Variants in TANC1 observed in about 807,000 individuals in gnomAD.
TANC1 encodes the protein protein TANC1.
Under a neutral mutation model 149.7 loss-of-function variants are expected in TANC1, and 77 were observed. The observed-to-expected ratio is 0.51, with a 90% confidence interval of 0.43 to 0.62. The LOEUF is 0.62. TANC1 is among the 20% of genes least tolerant of loss of function. The probability of loss-of-function intolerance (pLI) is 0.00; values close to 1 mark genes in which losing one functional copy is unlikely to be tolerated. For missense variants in TANC1, 1,985 were observed against 2,321.8 expected (o/e 0.85, Z 2.98); for synonymous variants, 854 against 925.0 (o/e 0.92, Z 1.39).
In TANC1 at chr2:159,217,249, C is replaced by T. The variant is rs184855423; in HGVS notation, c.3245-248C>T. On this transcript the variant is annotated intron_variant, in intron 19 of 26. Transcript: ENST00000263635. ...TTGGGCTTCCTCTCAGCATGGCATC[C>T]GAGCTCCAAGAAAGAGTGTTCAAGG... Among the ~76,000 whole-genome samples the T allele has an allele frequency of 1.2e-4, 19 of 152,288 alleles. 1 individual carries two copies. The South Asian group carries it at 2.3e-3, about 18-fold the overall frequency.
chr2:159,096,471 T>G (rs1043976131), intron 3 of TANC1, among the ~76,000 whole-genome samples: 1 of 152,198 alleles, frequency 6.6e-6, no homozygotes, highest in Non-Finnish European at 1.5e-5. Flanking sequence ...TAAATTTAAT[T>G]ATCTCAGCAA....
At chr2:159,049,748 G>A (rs1216213875) in intron 2 of TANC1, among the ~76,000 whole-genome samples, 1 of 152,168 alleles carries the variant, frequency 6.6e-6, no homozygotes, top group African/African-American at 2.4e-5. Flanking sequence ...TTTGAGTCTC[G>A]TGAACTAAAA....
intron 2 of TANC1, among the ~76,000 whole-genome samples, chr2:159,023,165 A>G (rs184591497): frequency 1.6e-4 from 25 of 152,196 alleles, no homozygotes; most frequent in Middle Eastern, 3.4e-3. Flanking sequence ...GTAACCCTAC[A>G]TTGCTTTTTT....
chr2:159,052,808 A>G (rs114207184), intron 2 of TANC1, among the ~76,000 whole-genome samples: 1,924 of 152,378 alleles, frequency 0.013, 27 homozygotes, highest in Middle Eastern at 0.068. Flanking sequence ...TTGTGGAAAT[A>G]GTTTAAAATA....
chr2:159,221,317 G>C (rs970405413), intron 22 of TANC1, among the ~76,000 whole-genome samples: 12 of 152,122 alleles, frequency 7.9e-5, no homozygotes, highest in African/African-American at 2.7e-4. Context: ...GGAGGTGGAG[G>C]CTGCAGTGAG....
Position 159,230,684 on chromosome 2 carries a change from T to C in TANC1, c.5258T>C (p.Leu1753Pro), listed in dbSNP as rs746730606. ...SWHCPAPEGL[L>P]TNTSSAAGLQ... Reference sequence around the variant, plus strand: ...CACTGTCCGGCACCAGAGGGGCTGCTGACAAACACGTCTTCTGCAGCTGGC... The same window carrying C: ...CACTGTCCGGCACCAGAGGGGCTGCCGACAAACACGTCTTCTGCAGCTGGC... Residue 1753 changes from leucine (L) to proline (P), a missense_variant, in exon 27 of 27, where the codon CTG becomes CCG. This residue lies in a region of TANC1 where 920 missense variants were observed against 994.7 expected (regional missense o/e 0.92). Coordinates refer to ENST00000263635, the MANE Select transcript of TANC1 (RefSeq NM_033394.3). This position sits in a 1 kb window ranked among gnomAD's most constrained non-coding sequence, Gnocchi z 4.4. 1 of 1,614,212 alleles carries C rather than the reference T, an allele frequency of 6.2e-7. No individual in the cohort carries two copies. The highest frequency in any genetic ancestry group is 8.5e-7 in the Non-Finnish European group (1 of 1,180,036).
chr2:159,165,272 G>A (rs543394642), intron 8 of TANC1, among the ~76,000 whole-genome samples: 1 of 152,318 alleles, frequency 6.6e-6, no homozygotes, highest in Admixed American at 6.5e-5. Flanking sequence ...TGATTATAGA[G>A]CAGAGCTTTC....
At chr2:159,133,146 A>G (rs914712801) in intron 4 of TANC1, among the ~76,000 whole-genome samples, 1 of 152,214 alleles carries the variant, frequency 6.6e-6, no homozygotes, top group Admixed American at 6.5e-5. Flanking sequence ...GGGAGCAGAA[A>G]TACAGGCACT....
rs184418858 is a variant in TANC1, at chr2:159,216,556, G to T, written c.3245-941G>T. On this transcript the variant is annotated intron_variant, in intron 19 of 26. Coordinates refer to ENST00000263635, the MANE Select transcript of TANC1 (RefSeq NM_033394.3). ...TTGCGATGAGCAGAAGCAACTCTTC[G>T]AACTACACCCCCTGCTTATTACCCC... is the stretch of plus-strand genomic sequence containing the variant. Among the ~76,000 whole-genome samples the T allele has an allele frequency of 8.5e-5, 13 of 152,264 alleles. No homozygotes were observed. The East Asian group carries it at 2.5e-3, about 29-fold the overall frequency.
chr2:159,019,154 G>A (rs1038069921), intron 2 of TANC1, among the ~76,000 whole-genome samples: 12 of 152,156 alleles, frequency 7.9e-5, no homozygotes, highest in Non-Finnish European at 1.0e-4. Context: ...CAGCAGAGCC[G>A]GGATTGCAGG....
At chr2:159,147,701 A>C (rs2052298798) in intron 5 of TANC1, 1 of 152,280 alleles carries the variant, frequency 6.6e-6, no homozygotes, top group Non-Finnish European at 1.5e-5. Flanking sequence ...TTAACCCAGA[A>C]TAGTCAAGCC....
At position 159,044,485 on chromosome 2, in the gene TANC1, T is replaced by C. The variant is rs557282021; in HGVS notation, c.-15-21411T>C. ...CGAGGCTGGAGGCTCCTAATGTATA[T>C]GATCTATGTTCTAGTCATCTTTTTA... On this transcript the variant is annotated intron_variant, in intron 2 of 26. Coordinates refer to ENST00000263635, the MANE Select transcript of TANC1 (RefSeq NM_033394.3). 6.6e-5 allele frequency among the ~76,000 whole-genome samples: 10 copies of C among 152,198 alleles called. No homozygotes were observed. The South Asian group carries it at 1.9e-3, about 29-fold the overall frequency.
intron 2 of TANC1, among the ~76,000 whole-genome samples, chr2:159,019,669 T>G (rs1046933284): frequency 3.7e-5 from 5 of 134,934 alleles, no homozygotes; most frequent in African/African-American, 1.2e-4. Flanking sequence ...TTTTTTTTTT[T>G]TTTTTTTTTT....
At chr2:159,095,435 C>T (rs1401378785) in intron 3 of TANC1, among the ~76,000 whole-genome samples, 1 of 152,106 alleles carries the variant, frequency 6.6e-6, no homozygotes, top group Admixed American at 6.6e-5. Flanking sequence ...TGTGAGTTCC[C>T]TTTAAAAGTA....
intron 2 of TANC1, among the ~76,000 whole-genome samples, chr2:159,007,138 GTTTTTTTTTTTTT>G (rs70994252): frequency 2.7e-3 from 191 of 69,538 alleles, no homozygotes; most frequent in African/African-American, 9.7e-3. Flanking sequence ...CTTTAATACT[GTTTTTTTTTTTTT>G]TTTTTTTTTT....
intron 5 of TANC1, among the ~76,000 whole-genome samples, chr2:159,138,969 A>G (rs975853187): frequency 1.3e-5 from 2 of 152,372 alleles, no homozygotes; most frequent in East Asian, 3.9e-4. Context: ...TTGCTTATTT[A>G]TAAGTAATTG....
chr2:159,203,214 T>TTTTTC (rs2058366895), intron 19 of TANC1, among the ~76,000 whole-genome samples: 1 of 149,724 alleles, frequency 6.7e-6, no homozygotes, highest in African/African-American at 2.5e-5. Context: ...CTTTTCTTTT[T>TTTTTC]TTTTTTTTTT....
chr2:159,163,217 A>G, intron 7 of TANC1, 66 bp from the exon 8 acceptor site: 1 of 1,511,914 alleles, frequency 6.6e-7, no homozygotes. Context: ...GGCAGTGTGC[A>G]TGTTTTAATT....
intron 3 of TANC1, among the ~76,000 whole-genome samples, chr2:159,073,182 G>A (rs1020412648): frequency 6.6e-6 from 1 of 152,186 alleles, no homozygotes; most frequent in Non-Finnish European, 1.5e-5. Context: ...TGTGAATGAA[G>A]GTCTTTATAT....
Sources: gnomAD v4.1 joint callset for allele counts (sites outside exome capture counted in the v4.1 genomes callset) on GRCh38, gnomAD v4.1.1 for gene constraint, gnomAD v4.1.1 regional missense constraint, Gnocchi (gnomAD v3.1) non-coding constraint, MANE v1.5 for transcripts, NCBI Gene and HGNC (gene_info 2026-07-23, HGNC 2026-07-21) for gene names.